DLGAP2: variants seen among roughly 807,000 people sequenced by gnomAD.
The protein encoded by DLGAP2 is disks large-associated protein 2.
A neutral mutation model predicts 100.3 loss-of-function variants in DLGAP2; 26 were observed. The ratio of observed to expected loss-of-function variants is 0.26; its 90% CI spans 0.19 to 0.36. The LOEUF (loss-of-function observed/expected upper bound fraction) is 0.36, where lower values mean the gene tolerates loss of function less well. DLGAP2 is among the 10% of genes least tolerant of loss of function. The pLI, the probability that DLGAP2 is intolerant of heterozygous loss-of-function variation, is 1.00. For missense variants in DLGAP2, 1,858 were observed against 1,453.2 expected, an observed-to-expected ratio of 1.28 and a Z score of -4.53; for synonymous variants, 886 against 630.1, an observed-to-expected ratio of 1.41 and a Z score of -6.08.
At chr8:772,468 A>C (rs1480979991) in intron 1 of DLGAP2, among the ~76,000 whole-genome samples, 1 of 152,082 alleles carries the variant, frequency 6.6e-6, no homozygotes, top group Non-Finnish European at 1.5e-5. Context: ...GACTACAGGC[A>C]CACACCACCG....
chr8:1,082,599 C>G (rs1803848633), intron 2 of DLGAP2, among the ~76,000 whole-genome samples: 1 of 152,180 alleles, frequency 6.6e-6, no homozygotes, highest in African/African-American at 2.4e-5. Context: ...GGTGGTGGCT[C>G]CACGCTGTGT....
intron 3 of DLGAP2, among the ~76,000 whole-genome samples, chr8:1,314,415 A>AT (rs1393189994): frequency 1.3e-5 from 2 of 152,152 alleles, no homozygotes; most frequent in Admixed American, 6.5e-5. Context: ...GGCACACAAT[A>AT]TTTTTTTAAA....
chr8:1,064,904 A>G (rs191796554), intron 2 of DLGAP2, among the ~76,000 whole-genome samples: 5 of 152,302 alleles, frequency 3.3e-5, no homozygotes, highest in Non-Finnish European at 1.5e-5. Flanking sequence ...CGTTTAAGGA[A>G]CAGTGAAGGG....
At chr8:1,308,570 G>T (rs11784975) in intron 3 of DLGAP2, among the ~76,000 whole-genome samples, 1 of 152,188 alleles carries the variant, frequency 6.6e-6, no homozygotes, top group African/African-American at 2.4e-5. Context: ...TTGTTGCCCA[G>T]GCTGGAGTGC....
At chr8:1,226,239 A>G (rs1017734699) in intron 2 of DLGAP2, among the ~76,000 whole-genome samples, 31 of 152,208 alleles carry the variant, frequency 2.0e-4, no homozygotes, top group Non-Finnish European at 4.0e-4. Context: ...ATGTCCATCA[A>G]TGATAGACTG....
intron 3 of DLGAP2, among the ~76,000 whole-genome samples, chr8:1,295,714 G>C (rs1393255511): frequency 6.6e-6 from 1 of 152,228 alleles, no homozygotes; most frequent in Admixed American, 6.5e-5. Context: ...CCGGGCCCCA[G>C]TCTCTCTGTG....
chr8:1,227,934 A>T (rs1798455288), intron 2 of DLGAP2, among the ~76,000 whole-genome samples: 1 of 152,214 alleles, frequency 6.6e-6, no homozygotes, highest in South Asian at 2.1e-4. Flanking sequence ...ATGGGTAACT[A>T]TGTGAGATGA....
intron 6 of DLGAP2, among the ~76,000 whole-genome samples, chr8:1,602,474 G>A (rs1275281115): frequency 6.6e-6 from 1 of 152,230 alleles, no homozygotes; most frequent in Non-Finnish European, 1.5e-5. Context: ...GATTCATGCA[G>A]CCATGTTGCC....
rs140397024 is a variant in DLGAP2 at position 1,640,033 on chromosome 8, G to A, written c.1810+6987G>A. Among the ~76,000 whole-genome samples, 87 of 152,320 alleles carry A rather than the reference G, an allele frequency of 5.7e-4. 1 individual carries two copies. The highest frequency in any genetic ancestry group is 1.9e-3 in the African/African-American group (81 of 41,572). On this transcript the variant is annotated intron_variant, in intron 8 of 14. Transcript: ENST00000637795. ...AGGATGCGGACATTTTTGGAGGGGC[G>A]TTATTCTGTTTACCATAGTAGGTTT...
At chr8:987,072 T>C (rs1481399494) in intron 2 of DLGAP2, among the ~76,000 whole-genome samples, 1 of 152,220 alleles carries the variant, frequency 6.6e-6, no homozygotes, top group Non-Finnish European at 1.5e-5. Flanking sequence ...GATTTTTTTC[T>C]GCTTCACCAA....
At chr8:1,470,209 AC>A (rs1278208873) in intron 3 of DLGAP2, among the ~76,000 whole-genome samples, 4 of 152,030 alleles carry the variant, frequency 2.6e-5, no homozygotes, top group Admixed American at 2.6e-4. Context: ...ATCATGCCAG[AC>A]CATGGATGCT....
intron 2 of DLGAP2, among the ~76,000 whole-genome samples, chr8:1,207,936 G>C (rs1585153364): frequency 6.6e-6 from 1 of 151,944 alleles, no homozygotes; most frequent in African/African-American, 2.4e-5. Flanking sequence ...TTTCTTGCTG[G>C]TTTGAGTTCC....
chr8:1,559,799 G>A lies in DLGAP2; in HGVS notation c.1231-5884G>A, dbSNP rs897228502. Among the ~76,000 whole-genome samples, 14 of 152,188 alleles carry A rather than the reference G, an allele frequency of 9.2e-5. No homozygotes were observed. In the East Asian group the frequency reaches 1.5e-3, roughly 17 times the overall value. On this transcript the variant is annotated intron_variant, in intron 5 of 14. Transcript: ENST00000637795. ...CACACATTCCCAGGAGAGTGGCAGC[G>A]TGAGCTCCCCCGTGCCCAGGAACTG...
At chr8:1,672,011 T>C (rs1220702169) in intron 10 of DLGAP2, among the ~76,000 whole-genome samples, 1 of 152,210 alleles carries the variant, frequency 6.6e-6, no homozygotes, top group Non-Finnish European at 1.5e-5. Context: ...CTTTCGTTTT[T>C]ATCCTTTGCG....
intron 2 of DLGAP2, among the ~76,000 whole-genome samples, chr8:971,463 C>G (rs1354724391): frequency 2.0e-5 from 3 of 152,228 alleles, no homozygotes; most frequent in Non-Finnish European, 2.9e-5. Context: ...GCAGGAATCA[C>G]AGCTTGTTAC....
At chr8:1,331,379 G>A (rs1303189149) in intron 3 of DLGAP2, among the ~76,000 whole-genome samples, 1 of 151,950 alleles carries the variant, frequency 6.6e-6, no homozygotes, top group Non-Finnish European at 1.5e-5. Flanking sequence ...GCAGGTCGCT[G>A]GCCTTTCCTA....
At chr8:1,259,562 A>C (rs1192607949) in intron 3 of DLGAP2, 1 of 152,250 alleles carries the variant, frequency 6.6e-6, no homozygotes, top group African/African-American at 2.4e-5. Context: ...TTTCAGCAGC[A>C]AGAGGCAAAT....
At chr8:916,676 A>T (rs1046248419) in intron 2 of DLGAP2, among the ~76,000 whole-genome samples, 1 of 152,222 alleles carries the variant, frequency 6.6e-6, no homozygotes, top group African/African-American at 2.4e-5. Flanking sequence ...TAAAGAAAAT[A>T]AATTTAAAAA....
intron 1 of DLGAP2, among the ~76,000 whole-genome samples, chr8:868,881 G>A (rs938659978): frequency 6.6e-6 from 1 of 152,198 alleles, no homozygotes; most frequent in African/African-American, 2.4e-5. Flanking sequence ...GGGCCGCGCA[G>A]GTTCCAGTCA....
Sources: gnomAD v4.1 joint callset for allele counts (sites outside exome capture counted in the v4.1 genomes callset) on GRCh38, gnomAD v4.1.1 for gene constraint, MANE v1.5 for transcripts, NCBI Gene and HGNC (gene_info 2026-07-23, HGNC 2026-07-21) for gene names.